STIM2: variants seen among roughly 807,000 people sequenced by gnomAD.
STIM2 encodes stromal interaction molecule 2.
STIM2 carries 31 observed loss-of-function variants against 85.8 expected under a neutral mutation model. That is an observed-to-expected ratio of 0.36 (90% CI 0.27 to 0.49). STIM2 has a LOEUF of 0.49. Among genes scored for constraint, STIM2 ranks in the 20% least tolerant of loss-of-function variants. STIM2 has a pLI of 0.98. For synonymous variants in STIM2, 356 were observed against 331.1 expected (o/e 1.08, Z -0.82); for missense variants, 841 against 927.6 (o/e 0.91, Z 1.21).
chr4:26,898,515 TTGA>T (rs1348542387), intron 1 of STIM2, among the ~76,000 whole-genome samples: 4 of 152,210 alleles, frequency 2.6e-5, no homozygotes, highest in African/African-American at 9.7e-5. Flanking sequence ...ATCATCACTA[TTGA>T]TGATTGTTGC....
intron 1 of STIM2, among the ~76,000 whole-genome samples, chr4:26,912,850 T>C (rs754656018): frequency 6.6e-6 from 1 of 152,222 alleles, no homozygotes; most frequent in Non-Finnish European, 1.5e-5. Flanking sequence ...TGTCTTTTGC[T>C]GGTGTTTCTT....
chr4:26,873,640 T>C (rs1389061658), intron 1 of STIM2: 2 of 613,036 alleles, frequency 3.3e-6, no homozygotes, highest in Non-Finnish European at 3.0e-6. Context: ...ACTTCCTTAG[T>C]CATAAATGAG....
At chr4:26,902,844 A>G (rs1312388101) in intron 1 of STIM2, among the ~76,000 whole-genome samples, 1 of 152,070 alleles carries the variant, frequency 6.6e-6, no homozygotes, top group African/African-American at 2.4e-5. Context: ...GTTTTCTTGG[A>G]TTGTCCGTAA....
intron 1 of STIM2, among the ~76,000 whole-genome samples, chr4:26,878,613 G>A (rs1309817520): frequency 1.3e-5 from 2 of 152,054 alleles, no homozygotes; most frequent in Non-Finnish European, 2.9e-5. Context: ...CAGGTTTTGT[G>A]TTCTGTTCTC....
intron 2 of STIM2, among the ~76,000 whole-genome samples, chr4:26,951,071 T>G (rs1215003437): frequency 6.6e-6 from 1 of 152,320 alleles, no homozygotes; most frequent in East Asian, 1.9e-4. Context: ...TACCTGCTTT[T>G]ACATTTTGCC....
At chr4:26,919,711 T>C in intron 2 of STIM2, 77 bp downstream of exon 2, 4 of 1,546,486 alleles carry the variant, frequency 2.6e-6, no homozygotes, top group Non-Finnish European at 3.5e-6. Flanking sequence ...TTCAATTTTC[T>C]CTTTCCTCAT....
At chr4:26,944,337 T>G (rs1279740519) in intron 2 of STIM2, among the ~76,000 whole-genome samples, 1 of 152,194 alleles carries the variant, frequency 6.6e-6, no homozygotes, top group Non-Finnish European at 1.5e-5. Context: ...CCCTATTTCC[T>G]TAGCAGATTA....
intron 10 of STIM2, among the ~76,000 whole-genome samples, chr4:27,012,869 T>A (rs1728605243): frequency 6.6e-6 from 1 of 152,004 alleles, no homozygotes; most frequent in Admixed American, 6.6e-5. Context: ...GGTTAATCAG[T>A]GGATATTAAA....
At chr4:26,872,384 T>G (rs1390113041) in intron 1 of STIM2, among the ~76,000 whole-genome samples, 1 of 152,212 alleles carries the variant, frequency 6.6e-6, no homozygotes, top group Non-Finnish European at 1.5e-5. Context: ...ATTTAAAGCA[T>G]TTTGCAGTTG....
rs892407302 is a variant in STIM2 at position 26,877,877 on chromosome 4, C to T, written c.151+16508C>T. On this transcript the variant is annotated intron_variant, in intron 1 of 11. Coordinates refer to ENST00000467087, the MANE Select transcript of STIM2 (RefSeq NM_020860.4). ...GTGCTTAGGCCATGAGAGCTCTACC[C>T]TCATAAGTGGGATTAATGTTGTTAT... Among the ~76,000 whole-genome samples, 3 of 152,110 alleles carry T rather than the reference C, an allele frequency of 2.0e-5. No individual in the cohort carries two copies. The East Asian group carries it at 5.8e-4, about 29-fold the overall frequency.
At chr4:26,953,667 A>T (rs2109090516) in intron 2 of STIM2, among the ~76,000 whole-genome samples, 1 of 152,248 alleles carries the variant, frequency 6.6e-6, no homozygotes, top group East Asian at 1.9e-4. Flanking sequence ...AAAAGTAGAA[A>T]GTCACCAAGA....
intron 4 of STIM2, among the ~76,000 whole-genome samples, chr4:26,997,667 A>G (rs75598165): frequency 1.3e-3 from 196 of 152,354 alleles, no homozygotes; most frequent in African/African-American, 4.5e-3. Flanking sequence ...TCATTCAGCT[A>G]TTATACAAAC....
chr4:26,888,988 G>A (rs1723361954), intron 1 of STIM2, among the ~76,000 whole-genome samples: 1 of 152,096 alleles, frequency 6.6e-6, no homozygotes, highest in South Asian at 2.1e-4. Context: ...TAGTCTTAAT[G>A]TCGGTTCAGT....
intron 1 of STIM2, among the ~76,000 whole-genome samples, chr4:26,905,879 T>C (rs1577429277): frequency 6.6e-6 from 1 of 152,260 alleles, no homozygotes; most frequent in Non-Finnish European, 1.5e-5. Context: ...ATAAAAGGGA[T>C]TACTGTATCT....
intron 2 of STIM2, among the ~76,000 whole-genome samples, chr4:26,928,210 C>T (rs1725056698): frequency 6.6e-6 from 1 of 152,110 alleles, no homozygotes; most frequent in South Asian, 2.1e-4. Flanking sequence ...CTCCCAGAAC[C>T]TCCCTGTTAC....
intron 1 of STIM2, among the ~76,000 whole-genome samples, chr4:26,917,022 A>T (rs909261408): frequency 3.3e-5 from 5 of 152,192 alleles, no homozygotes; most frequent in African/African-American, 1.2e-4. Flanking sequence ...ATATGAAGTA[A>T]CAGAATTTAT....
At chr4:26,909,647 T>A (rs1203107901) in intron 1 of STIM2, among the ~76,000 whole-genome samples, 2 of 152,208 alleles carry the variant, frequency 1.3e-5, no homozygotes, top group Admixed American at 6.5e-5. Context: ...CACTGTAGCT[T>A]GTGTTTGGTT....
intron 3 of STIM2, among the ~76,000 whole-genome samples, chr4:26,964,217 C>T (rs570122760): frequency 2.6e-5 from 4 of 152,206 alleles, no homozygotes; most frequent in Admixed American, 1.3e-4. Context: ...ACTCATATTC[C>T]AGTGCTTACC....
intron 1 of STIM2, among the ~76,000 whole-genome samples, chr4:26,879,082 C>A (rs2109034659): frequency 6.6e-6 from 1 of 152,278 alleles, no homozygotes; most frequent in South Asian, 2.1e-4. Flanking sequence ...GTCGTGTGCT[C>A]TTTTTGTATT....
Sources: allele counts gnomAD v4.1 joint callset (sites outside exome capture counted in the v4.1 genomes callset), GRCh38; gene constraint gnomAD v4.1.1; transcripts MANE v1.5; gene names NCBI Gene and HGNC (gene_info 2026-07-23, HGNC 2026-07-21).